FGFR2: variants seen among roughly 807,000 people sequenced by gnomAD.
The protein encoded by FGFR2 is BEK fibroblast growth factor receptor.
A neutral mutation model predicts 95.9 loss-of-function variants in FGFR2; 19 were observed. The ratio of observed to expected loss-of-function variants is 0.20; its 90% confidence interval spans 0.14 to 0.29. The LOEUF (loss-of-function observed/expected upper bound fraction) is 0.29. FGFR2 is among the 10% of genes least tolerant of loss of function. The pLI, the probability that FGFR2 is intolerant of heterozygous loss-of-function variation, is 1.00. For missense variants in FGFR2, 707 were observed against 1,056.9 expected (o/e 0.67, Z 4.59); for synonymous variants, 392 against 393.3 (o/e 1.00, Z 0.04).
At chr10:121,509,524 T>G (rs1175078905) in intron 9 of FGFR2, among the ~76,000 whole-genome samples, 1 of 142,836 alleles carries the variant, frequency 7.0e-6, no homozygotes, top group Non-Finnish European at 1.5e-5. Context: ...TGAGACAGAG[T>G]TTCACTCTCA....
At chr10:121,544,341 G>C (rs770474775) in intron 5 of FGFR2, among the ~76,000 whole-genome samples, 2 of 151,936 alleles carry the variant, frequency 1.3e-5, no homozygotes, top group Admixed American at 6.6e-5. Flanking sequence ...ATACTCAGGA[G>C]GCTGAGGCAG....
At chr10:121,542,691 A>G (rs565295480) in intron 5 of FGFR2, among the ~76,000 whole-genome samples, 3 of 152,358 alleles carry the variant, frequency 2.0e-5, no homozygotes, top group East Asian at 1.9e-4. Context: ...AAAATGGCCT[A>G]AACTCCCAAG....
chr10:121,506,538 G>A (rs1476576637), intron 9 of FGFR2, among the ~76,000 whole-genome samples: 1 of 152,088 alleles, frequency 6.6e-6, no homozygotes, highest in Non-Finnish European at 1.5e-5. Flanking sequence ...ATAGAGGAGT[G>A]GGAACCGATT....
chr10:121,566,541 C>T (rs1358845589), intron 2 of FGFR2, among the ~76,000 whole-genome samples: 1 of 152,114 alleles, frequency 6.6e-6, no homozygotes, highest in African/African-American at 2.4e-5. Context: ...TCTGTAGGGA[C>T]AGTCCTTCCT....
At chr10:121,508,783 G>A (rs1430222346) in intron 9 of FGFR2, among the ~76,000 whole-genome samples, 1 of 152,198 alleles carries the variant, frequency 6.6e-6, no homozygotes, top group Admixed American at 6.5e-5. Flanking sequence ...AAGAAAACGT[G>A]CAAAGTCTAA....
chr10:121,580,123 T>G (rs1860603265), intron 2 of FGFR2, among the ~76,000 whole-genome samples: 1 of 152,178 alleles, frequency 6.6e-6, no homozygotes, highest in Non-Finnish European at 1.5e-5. Flanking sequence ...CTGCGCACTT[T>G]CTGAATAAAG....
intron 4 of FGFR2, among the ~76,000 whole-genome samples, chr10:121,558,416 A>T (rs1457268882): frequency 6.6e-6 from 1 of 152,184 alleles, no homozygotes; most frequent in Non-Finnish European, 1.5e-5. Flanking sequence ...TAATGACATC[A>T]CAGGACTGTT....
At chr10:121,573,036 A>C (rs548093780) in intron 2 of FGFR2, among the ~76,000 whole-genome samples, 2 of 152,386 alleles carry the variant, frequency 1.3e-5, no homozygotes, top group African/African-American at 2.4e-5. Flanking sequence ...GTCTTGAGAC[A>C]GTTGAAACAG....
intron 2 of FGFR2, among the ~76,000 whole-genome samples, chr10:121,571,293 CCTTTT>C (rs1235129751): frequency 9.2e-5 from 8 of 87,150 alleles, no homozygotes; most frequent in Admixed American, 4.7e-4. Flanking sequence ...CCGTGCCTGG[CCTTTT>C]TTTTTTTTTT....
At chr10:121,558,985 G>T (rs1229643268) in intron 4 of FGFR2, among the ~76,000 whole-genome samples, 1 of 152,000 alleles carries the variant, frequency 6.6e-6, no homozygotes, top group Non-Finnish European at 1.5e-5. Flanking sequence ...AGCTGAGCTT[G>T]CCTTCTTATG....
intron 13 of FGFR2, 22 bp from the exon 14 acceptor site, chr10:121,488,135 G>A: frequency 1.2e-6 from 2 of 1,611,942 alleles, no homozygotes; most frequent in Non-Finnish European, 1.7e-6. Context: ...AAAGAAGCAA[G>A]AGAAATAACT....
At position 121,516,732 on chromosome 10, in the gene FGFR2, C is replaced by G. The variant is rs1849747353; in HGVS notation, c.1084+587G>C. On this transcript the variant is annotated intron_variant, in intron 8 of 17. Transcript: ENST00000358487. Reference sequence around the variant, plus strand: ...TTTCTCTGTGAGGCAGAAATAACATCAAGCCCAAGATGGCAGGAGCATGCT... The same window carrying G: ...TTTCTCTGTGAGGCAGAAATAACATGAAGCCCAAGATGGCAGGAGCATGCT... Among the ~76,000 whole-genome samples, 4 of 152,312 alleles carry G rather than the reference C, an allele frequency of 2.6e-5. No individual in the cohort carries two copies. The South Asian group carries it at 8.3e-4, about 32-fold the overall frequency.
At chr10:121,514,063 C>A (rs951640470) in intron 9 of FGFR2, among the ~76,000 whole-genome samples, 12 of 152,128 alleles carry the variant, frequency 7.9e-5, no homozygotes, top group African/African-American at 2.9e-4. Flanking sequence ...GTGTAAAATG[C>A]AGATTCCTGG....
chr10:121,491,187 C>T (rs1003994219), intron 13 of FGFR2, among the ~76,000 whole-genome samples: 3 of 152,144 alleles, frequency 2.0e-5, no homozygotes, highest in Non-Finnish European at 4.4e-5. Flanking sequence ...ATCTTCTCAG[C>T]GAAAGCCAGA....
intron 6 of FGFR2, among the ~76,000 whole-genome samples, chr10:121,528,171 G>C (rs998989519): frequency 6.6e-6 from 1 of 152,164 alleles, no homozygotes; most frequent in Admixed American, 6.5e-5. Context: ...AAGTAAGTAA[G>C]GCCCCTTAGC....
At chr10:121,579,506 A>T (rs1413857509) in intron 2 of FGFR2, among the ~76,000 whole-genome samples, 1 of 151,718 alleles carries the variant, frequency 6.6e-6, no homozygotes, top group Non-Finnish European at 1.5e-5. Flanking sequence ...CAGAGACTAA[A>T]CATCTGAAGA....
chr10:121,550,235 G>C (rs1855168554), intron 5 of FGFR2, among the ~76,000 whole-genome samples: 1 of 152,030 alleles, frequency 6.6e-6, no homozygotes, highest in South Asian at 2.1e-4. Context: ...ACATGCTCCT[G>C]CAACTTCAAC....
chr10:121,521,071 A>G (rs1407131939), intron 6 of FGFR2, among the ~76,000 whole-genome samples: 1 of 152,156 alleles, frequency 6.6e-6, no homozygotes, highest in Non-Finnish European at 1.5e-5. Context: ...TGTGGAATTC[A>G]CTCCATTCAT....
chr10:121,521,375 G>T (rs1850516959), intron 6 of FGFR2, among the ~76,000 whole-genome samples: 1 of 152,178 alleles, frequency 6.6e-6, no homozygotes, highest in Non-Finnish European at 1.5e-5. Context: ...CTTCTCTCCA[G>T]CTAAGAGGCG....
Sources: gnomAD v4.1 joint callset for allele counts (sites outside exome capture counted in the v4.1 genomes callset) on GRCh38, gnomAD v4.1.1 for gene constraint, MANE v1.5 for transcripts, NCBI Gene and HGNC (gene_info 2026-07-23, HGNC 2026-07-21) for gene names.